The following MBOAT2 variants were observed in gnomAD, a reference collection of about 807,000 sequenced individuals.
MBOAT2 encodes membrane bound glycerophospholipid O-acyltransferase 2, also known as membrane-bound glycerophospholipid O-acyltransferase 2.
A neutral mutation model predicts 63.4 loss-of-function variants in MBOAT2; 28 were observed. The ratio of observed to expected loss-of-function variants is 0.44; its 90% CI spans 0.33 to 0.61. The LOEUF is 0.61. Among genes scored for constraint, MBOAT2 ranks in the 20% least tolerant of loss-of-function variants. The pLI, the probability that MBOAT2 is intolerant of heterozygous loss-of-function variation, is 0.03. For synonymous variants in MBOAT2, 211 were observed against 215.6 expected, an observed-to-expected ratio of 0.98 and a Z score of 0.19; for missense variants, 470 against 605.8, an observed-to-expected ratio of 0.78 and a Z score of 2.35.
At position 9,003,509 on chromosome 2, in the gene MBOAT2, C is replaced by T. The variant is rs979813102; in HGVS notation, c.75+31G>A. 27 of 1,177,470 alleles carry T rather than the reference C, an allele frequency of 2.3e-5. No individual in the cohort carries two copies. In the Middle Eastern group the frequency reaches 1.0e-3, roughly 46 times the overall value. The allele number at this position is 1,177,470 out of a possible 1,614,324, so 72.9% of individuals were successfully genotyped here. ...GCGGCGGGGAGGGGCGGCGAGGGCG[C>T]GACGCCCGGCGCCAGGGCGCCTCGG... On this transcript the variant is annotated intron_variant, in intron 1 of 12. Transcript: ENST00000305997. The surrounding 1 kb of genome is among the most constrained non-coding windows in gnomAD (Gnocchi z 5.4).
chr2:8,893,263 C>A (rs747677343), intron 4 of MBOAT2, among the ~76,000 whole-genome samples: 1 of 152,034 alleles, frequency 6.6e-6, no homozygotes, highest in Non-Finnish European at 1.5e-5. Flanking sequence ...GGTTTTTGAC[C>A]AGGGTAACTA....
chr2:8,963,712 C>T (rs752859179), intron 1 of MBOAT2, among the ~76,000 whole-genome samples: 9 of 152,116 alleles, frequency 5.9e-5, no homozygotes, highest in East Asian at 1.9e-4. Context: ...GTGAAAGTTA[C>T]GAGTTGTAGA....
chr2:8,974,439 G>C (rs181407063), intron 1 of MBOAT2: 12 of 456,436 alleles, frequency 2.6e-5, no homozygotes, highest in African/African-American at 4.0e-5. Flanking sequence ...GGGCAGCCTA[G>C]GAGAAATAAA....
chr2:8,906,562 T>G (rs1651481968), intron 4 of MBOAT2, among the ~76,000 whole-genome samples: 1 of 152,202 alleles, frequency 6.6e-6, no homozygotes, highest in African/African-American at 2.4e-5. Context: ...GAATGAGAAA[T>G]AAACTCTTAT....
chr2:8,977,757 C>T (rs753412536), intron 1 of MBOAT2, among the ~76,000 whole-genome samples: 1 of 152,072 alleles, frequency 6.6e-6, no homozygotes, highest in Non-Finnish European at 1.5e-5. Flanking sequence ...TTTACTGTGG[C>T]CACAAGGGAA....
Position 8,862,812 on chromosome 2 carries a change from G to A in MBOAT2, c.1053-90C>T. On this transcript the variant is annotated intron_variant, in intron 10 of 12. Coordinates refer to ENST00000305997, the MANE Select transcript of MBOAT2 (RefSeq NM_138799.4). This position sits in a 1 kb window ranked among gnomAD's most constrained non-coding sequence, Gnocchi z 4.3. ...ATGATCATTCTTTTATTACCTGACA[G>A]GATTTAGGGTAACTAGAAAAACAAA... is the stretch of plus-strand genomic sequence containing the variant. The A allele has an allele frequency of 6.9e-7, 1 of 1,445,226 alleles. No individual in the cohort carries two copies. 89.5% of individuals were successfully genotyped at this position (1,445,226 alleles called of 1,614,324 possible).
intron 3 of MBOAT2, among the ~76,000 whole-genome samples, chr2:8,914,221 T>A (rs549882540): frequency 6.6e-6 from 1 of 152,246 alleles, no homozygotes; most frequent in South Asian, 2.1e-4. Flanking sequence ...GTACAGTGTA[T>A]ACTGCTTGGG....
At chr2:8,947,923 G>A (rs528800027) in intron 2 of MBOAT2, among the ~76,000 whole-genome samples, 46 of 152,272 alleles carry the variant, frequency 3.0e-4, no homozygotes, top group African/African-American at 9.6e-4. Flanking sequence ...AATACATTTC[G>A]TAGGGCTATA....
At chr2:8,978,207 A>G (rs1670955430) in intron 1 of MBOAT2, among the ~76,000 whole-genome samples, 3 of 152,052 alleles carry the variant, frequency 2.0e-5, no homozygotes, top group Admixed American at 2.0e-4. Context: ...ATATTCCAAT[A>G]TATTGACCGT....
At chr2:9,002,899 A>T (rs1453233055) in intron 1 of MBOAT2, among the ~76,000 whole-genome samples, 1 of 152,098 alleles carries the variant, frequency 6.6e-6, no homozygotes, top group Non-Finnish European at 1.5e-5. Context: ...CCTGGGATTA[A>T]CTCCGACTTT....
chr2:8,996,928 T>C (rs1195434606), intron 1 of MBOAT2, among the ~76,000 whole-genome samples: 1 of 152,146 alleles, frequency 6.6e-6, no homozygotes, highest in African/African-American at 2.4e-5. Flanking sequence ...AGCAGTCACA[T>C]CAGATGGGAT....
intron 1 of MBOAT2, among the ~76,000 whole-genome samples, chr2:8,981,923 T>C (rs1018815016): frequency 1.6e-4 from 24 of 152,062 alleles, no homozygotes; most frequent in Admixed American, 5.9e-4. Context: ...ATATGAAACA[T>C]TGGAAAGAGC....
intron 1 of MBOAT2, among the ~76,000 whole-genome samples, chr2:8,980,415 T>C (rs1418246960): frequency 6.6e-6 from 1 of 152,150 alleles, no homozygotes; most frequent in Non-Finnish European, 1.5e-5. Context: ...CTTTATACCA[T>C]AGTTTCTTAA....
chr2:8,988,004 C>T (rs531307537), intron 1 of MBOAT2, among the ~76,000 whole-genome samples: 31 of 152,112 alleles, frequency 2.0e-4, no homozygotes, highest in Non-Finnish European at 4.1e-4. Context: ...TAACACATTA[C>T]TGAAAACACA....
intron 3 of MBOAT2, among the ~76,000 whole-genome samples, chr2:8,929,131 C>CTGGTACCTTTTTTGTATGA (rs1667135729): frequency 6.6e-6 from 1 of 151,978 alleles, no homozygotes. Context: ...TTTTTGTATG[C>CTGGTACCTTTTTTGTATGA]CAGGTGGGGA....
chr2:8,862,719 C>T lies in MBOAT2; in HGVS notation c.1056G>A (p.Val352=), dbSNP rs745396864. ...NIQTALWLKR[V]CYERTSFSPT... ...GACTGAAGGAGGTTCGTTCATAACA[C>T]ACCCTAGAAACCATGAAAAACATGG... The change falls in exon 11 of 13, where the codon GTG becomes GTA. Residue 352 remains valine (V), a synonymous_variant. Transcript: ENST00000305997. The surrounding 1 kb of genome is among the most constrained non-coding windows in gnomAD (Gnocchi z 4.3). 1 of 1,612,370 alleles carries T rather than the reference C, an allele frequency of 6.2e-7. No homozygotes were observed. The highest frequency in any genetic ancestry group is 8.5e-7 in the Non-Finnish European group (1 of 1,179,310).
At chr2:8,958,438 T>G in intron 2 of MBOAT2, 59 bp downstream of exon 2, 2 of 1,450,800 alleles carry the variant, frequency 1.4e-6, no homozygotes, top group Non-Finnish European at 1.8e-6. Flanking sequence ...TTCCACACAC[T>G]CAATTCTCAA....
chr2:8,901,529 T>C (rs1198275188), intron 4 of MBOAT2, among the ~76,000 whole-genome samples: 1 of 152,024 alleles, frequency 6.6e-6, no homozygotes, highest in African/African-American at 2.4e-5. Flanking sequence ...GCCCCAAAAA[T>C]GAAGTGGAGG....
chr2:8,885,819 T>C (rs1253527123), intron 5 of MBOAT2, among the ~76,000 whole-genome samples: 2 of 152,154 alleles, frequency 1.3e-5, no homozygotes, highest in African/African-American at 2.4e-5. Flanking sequence ...TGCCACTGGA[T>C]TGATAGTTGA....
Sources: gnomAD v4.1 joint callset for allele counts (sites outside exome capture counted in the v4.1 genomes callset) on GRCh38, gnomAD v4.1.1 for gene constraint, Gnocchi (gnomAD v3.1) non-coding constraint, MANE v1.5 for transcripts, NCBI Gene and HGNC (gene_info 2026-07-23, HGNC 2026-07-21) for gene names.